Variants in RYR1 observed in about 807,000 individuals in gnomAD.
The protein encoded by RYR1 is ryanodine receptor 1.
RYR1 carries 342 observed loss-of-function variants against 583.5 expected under a neutral mutation model. That is an observed-to-expected ratio of 0.59 (90% CI 0.54 to 0.64). The LOEUF (loss-of-function observed/expected upper bound fraction) is 0.64, where lower values mean the gene tolerates loss of function less well. Ranked by LOEUF, RYR1 falls within the 30% of genes least tolerant of loss-of-function variation. The pLI is 0.00. For missense variants in RYR1, 6,032 were observed against 6,917.2 expected (o/e 0.87, Z 4.54); for synonymous variants, 2,791 against 2,822.5 (o/e 0.99, Z 0.35).
chr19:38,561,317 C>T lies in RYR1; in HGVS notation c.12487C>T (p.Leu4163=), dbSNP rs1488685333. 6.2e-7 allele frequency: 1 copy of T among 1,614,072 alleles called. No homozygotes were observed. Among genetic ancestry groups the T allele is most frequent in the Middle Eastern group, 1.6e-4 (1 of 6,062 alleles). ...GCATGACCCTCGCCTGCACAACTTCCTGGAGCTGGCCGAGAGCATCCTTGA... is the reference window on the plus strand; with the variant it reads ...GCATGACCCTCGCCTGCACAACTTCTTGGAGCTGGCCGAGAGCATCCTTGA... ...VPHDPRLHNF[L]ELAESILEYF... is the part of the protein sequence containing the mutation. Residue 4163 remains leucine, a synonymous_variant, in exon 90 of 106, where the codon CTG becomes TTG. Transcript: ENST00000359596. This position sits in a 1 kb window ranked among gnomAD's most constrained non-coding sequence, Gnocchi z 4.8.
At position 38,446,508 on chromosome 19, in the gene RYR1, A is replaced by G. The variant is rs766836202; in HGVS notation, c.668A>G (p.His223Arg). The G allele has an allele frequency of 1.3e-5, 21 of 1,613,956 alleles. No homozygotes were observed. The highest frequency in any genetic ancestry group is 1.7e-5 in the Non-Finnish European group (20 of 1,180,016). Residue 223 changes from histidine to arginine, a missense_variant, in exon 8 of 106, where the codon CAT becomes CGT. This residue lies in a region of RYR1 where 338 missense variants were observed against 441.6 expected (regional missense o/e 0.77). Transcript: ENST00000359596. ...GGAGGTCACGTCCTCCGCCTCTTTC[A>G]TGGACATATGGATGAGTGTCTGACC... is the stretch of plus-strand genomic sequence containing the variant. Reference protein sequence around the residue: ...VTGGHVLRLFHGHMDECLTIS... With the variant: ...VTGGHVLRLFRGHMDECLTIS...
chr19:38,435,116 G>A (rs549553575), intron 1 of RYR1, among the ~76,000 whole-genome samples: 2 of 152,330 alleles, frequency 1.3e-5, no homozygotes, highest in African/African-American at 2.4e-5. Context: ...CAGGCCCTGT[G>A]CCCTGGGCCT....
intron 2 of RYR1, among the ~76,000 whole-genome samples, chr19:38,441,402 C>T (rs539799378): frequency 5.3e-3 from 161 of 30,566 alleles, no homozygotes; most frequent in Non-Finnish European, 8.2e-3. Flanking sequence ...AGGCCCTCGG[C>T]GGGGGCGGGG....
Position 38,502,734 on chromosome 19 carries a change from CGGGGCAGGCTTCAGGGTGGGGCAGGGGCA to C in RYR1, c.7835+16_7835+44del, listed in dbSNP as rs1215348407. The C allele has an allele frequency of 4.7e-6, 6 of 1,264,702 alleles. No individual in the cohort carries two copies. The highest frequency in any genetic ancestry group is 6.4e-6 in the Non-Finnish European group (6 of 930,574). The allele number at this position is 1,264,702 out of a possible 1,614,324, so 78.3% of individuals were successfully genotyped here. A position where few individuals can be genotyped will look rare whatever the true frequency, so the allele number is the denominator to read the frequency against. On this transcript the variant is annotated splice_region_variant and intron_variant, in intron 48 of 105. Coordinates refer to ENST00000359596, the MANE Select transcript of RYR1 (RefSeq NM_000540.3). ...GCCTCATGTCGCTCTGCAGGTGGAGCGGGGCAGGCTTCAGGGTGGGGCAGGGGCAGGGGCAGGGGCAGGGGCAGGGGCAG... is the reference window on the plus strand; with the variant it reads ...GCCTCATGTCGCTCTGCAGGTGGAGCGGGGCAGGGGCAGGGGCAGGGGCAG...
Position 38,455,637 on chromosome 19 carries a change from C to T in RYR1, c.1677C>T (p.Ile559=), listed in dbSNP as rs1261076762. The T allele has an allele frequency of 1.9e-6, 3 of 1,613,084 alleles. No individual in the cohort carries two copies. Among genetic ancestry groups the T allele is most frequent in the East Asian group, 2.2e-5 (1 of 44,880 alleles). Reference sequence around the variant, plus strand: ...TCATTCTGGGCACCCTGGCAGGCATCCTGGAGGTCCTGTACTGTGTCCTCA... The same window carrying T: ...TCATTCTGGGCACCCTGGCAGGCATTCTGGAGGTCCTGTACTGTGTCCTCA... The part of the protein sequence containing the change: ...KLDRLEASSG[I]LEVLYCVLIE... Residue 559 remains isoleucine, a synonymous_variant, in exon 16 of 106, where the codon ATC becomes ATT. Transcript: ENST00000359596.
At position 38,467,169 on chromosome 19, in the gene RYR1, C is replaced by A. The variant is rs73046904; in HGVS notation, c.3179-441C>A. Among the ~76,000 whole-genome samples, 18 of 152,268 alleles carry A rather than the reference C, an allele frequency of 1.2e-4. No individual in the cohort carries two copies. In the South Asian group the frequency reaches 3.1e-3, roughly 26 times the overall value. ...TTCCAATCCCAGCCTTGACCCCAAA[C>A]CCTGGCCATGGTCCCCAACCTTCAG... On this transcript the variant is annotated intron_variant, in intron 24 of 105. Coordinates refer to ENST00000359596, the MANE Select transcript of RYR1 (RefSeq NM_000540.3).
chr19:38,531,469 T>A (rs2145733020), intron 76 of RYR1, among the ~76,000 whole-genome samples: 1 of 151,904 alleles, frequency 6.6e-6, no homozygotes, highest in African/African-American at 2.4e-5. Context: ...GTGTAAACAC[T>A]CAGCAGGTGT....
rs1483758740 is a variant in RYR1, at chr19:38,478,436, C to G, written c.4456C>G (p.Leu1486Val). The part of the protein sequence containing the change: ...GDEQGNVHSS[L>V]KCSNCYMVWG... ...AGTGACCGCTTCTGTCTCCTGCAGC[C>G]TCAAGTGTAGCAACTGCTACATGGT... Residue 1486 changes from leucine to valine, a missense_variant and splice_region_variant, in exon 31 of 106, where the codon CTC becomes GTC. Around this residue, in one of 11 missense-constraint regions of RYR1, gnomAD observed 2,627 missense variants for 2,961.3 expected, o/e 0.89. Transcript: ENST00000359596. 1 of 1,613,426 alleles carries G rather than the reference C, an allele frequency of 6.2e-7. No homozygotes were observed.
At chr19:38,557,220 C>G (rs1314634199) in intron 89 of RYR1, among the ~76,000 whole-genome samples, 1 of 151,142 alleles carries the variant, frequency 6.6e-6, no homozygotes, top group Admixed American at 6.6e-5. Flanking sequence ...CGCCCAGCCT[C>G]TTAGTTTTCA....
At chr19:38,576,522 C>G (rs1366805806) in intron 97 of RYR1, among the ~76,000 whole-genome samples, 2 of 151,352 alleles carry the variant, frequency 1.3e-5, no homozygotes, top group East Asian at 3.9e-4. Flanking sequence ...TCAAGAAATA[C>G]TGGTTGAGGC....
In RYR1 at chr19:38,577,075, G is replaced by A. The variant is rs573998292; in HGVS notation, c.14173-843G>A. On this transcript the variant is annotated intron_variant, in intron 97 of 105. Coordinates refer to ENST00000359596, the MANE Select transcript of RYR1 (RefSeq NM_000540.3). ...TAATTTTTGTATTTTTAGTAGAGACGGGGTTTCGCCATGTGGGCCAGGCTG... is the reference window on the plus strand; with the variant it reads ...TAATTTTTGTATTTTTAGTAGAGACAGGGTTTCGCCATGTGGGCCAGGCTG... Among the ~76,000 whole-genome samples the A allele has an allele frequency of 3.9e-5, 6 of 152,014 alleles. No individual in the cohort carries two copies. In the South Asian group the frequency reaches 1.0e-3, roughly 26 times the overall value.
chr19:38,520,099 A>G (rs1195229774), intron 67 of RYR1, among the ~76,000 whole-genome samples: 1 of 144,186 alleles, frequency 6.9e-6, no homozygotes, highest in Non-Finnish European at 1.5e-5. Context: ...TTATTGAGAC[A>G]GGGTCTCTCT....
intron 27 of RYR1, among the ~76,000 whole-genome samples, chr19:38,473,015 CAAAA>C (rs199613372): frequency 4.0e-5 from 3 of 74,572 alleles, no homozygotes; most frequent in African/African-American, 4.3e-5. Flanking sequence ...GACTGTGTCT[CAAAA>C]AAAAAAAAAA....
intron 27 of RYR1, among the ~76,000 whole-genome samples, chr19:38,472,260 G>A (rs1342491477): frequency 6.6e-6 from 1 of 152,014 alleles, no homozygotes; most frequent in Non-Finnish European, 1.5e-5. Context: ...CACCACGCCT[G>A]GCTAATTTTT....
intron 31 of RYR1, among the ~76,000 whole-genome samples, chr19:38,482,616 A>C (rs1969067150): frequency 6.6e-6 from 1 of 151,922 alleles, no homozygotes. Flanking sequence ...ATGCCTCGCT[A>C]ATTTTTTATG....
intron 19 of RYR1, 61 bp from the exon 20 acceptor site, chr19:38,460,314 T>G: frequency 6.7e-7 from 1 of 1,486,082 alleles, no homozygotes; most frequent in Non-Finnish European, 9.4e-7. Context: ...TGTCCCCCAC[T>G]GACCACAGAC....
In RYR1 at chr19:38,519,469, G is replaced by A. The variant is rs751222810; in HGVS notation, c.10259+15G>A. 39 of 1,582,966 alleles carry A rather than the reference G, an allele frequency of 2.5e-5. No homozygotes were observed. Among genetic ancestry groups the A allele is most frequent in the African/African-American group, 6.8e-5 (5 of 73,788 alleles). On this transcript the variant is annotated intron_variant, in intron 67 of 105. Coordinates refer to ENST00000359596, the MANE Select transcript of RYR1 (RefSeq NM_000540.3). Reference sequence around the variant, plus strand: ...GACAACAACAGGTCAGCGGGGCCCCGCTGTCCCCATGCCCTCCGCCCCGAC... The same window carrying A: ...GACAACAACAGGTCAGCGGGGCCCCACTGTCCCCATGCCCTCCGCCCCGAC...
At chr19:38,548,657 C>A (rs1428268348) in intron 89 of RYR1, among the ~76,000 whole-genome samples, 1 of 152,220 alleles carries the variant, frequency 6.6e-6, no homozygotes, top group Non-Finnish European at 1.5e-5. Flanking sequence ...TAGCTCACTG[C>A]AGCCTTGACC....
rs540688024 is a variant in RYR1, at chr19:38,460,853, C to T, written c.2577+262C>T. On this transcript the variant is annotated intron_variant, in intron 20 of 105. Transcript: ENST00000359596. ...ACAAAAAGTTAGCTGGGTGTGGTGG[C>T]GGGCGCCTATAATCCCAGCTACTCG... Among the ~76,000 whole-genome samples the T allele has an allele frequency of 7.1e-4, 108 of 152,254 alleles. 1 individual carries two copies. The highest frequency in any genetic ancestry group is 2.3e-3 in the African/African-American group (96 of 41,562).
Sources: allele counts gnomAD v4.1 joint callset (sites outside exome capture counted in the v4.1 genomes callset), GRCh38; gene constraint gnomAD v4.1.1; regional missense constraint gnomAD v4.1.1; non-coding constraint Gnocchi (gnomAD v3.1); transcripts MANE v1.5; gene names NCBI Gene and HGNC (gene_info 2026-07-23, HGNC 2026-07-21).